The following CTPS2 variants were observed in gnomAD, a reference collection of about 807,000 sequenced individuals.
CTPS2 encodes the protein CTP synthase 2.
In CTPS2, 19 loss-of-function variants were observed where a neutral mutation model predicts 46.8. That is an observed-to-expected ratio of 0.41 (90% CI 0.28 to 0.60). The LOEUF (loss-of-function observed/expected upper bound fraction) is 0.60. CTPS2 is among the 20% of genes least tolerant of loss of function. The pLI, the probability that CTPS2 is intolerant of heterozygous loss-of-function variation, is 0.35. For synonymous variants in CTPS2, 151 were observed against 165.2 expected, an observed-to-expected ratio of 0.91 and a Z score of 0.66; for missense variants, 286 against 447.6, an observed-to-expected ratio of 0.64 and a Z score of 3.26.
intron 14 of CTPS2, among the ~76,000 whole-genome samples, chrX:16,633,682 A>T (rs1477930006): frequency 8.9e-6 from 1 of 112,146 alleles, no homozygotes; most frequent in Non-Finnish European, 1.9e-5. Flanking sequence ...AAGTAAATCA[A>T]CATTCGAAGT....
chrX:16,706,170 T>G (rs191978078), intron 1 of CTPS2, among the ~76,000 whole-genome samples: 9 of 110,226 alleles, frequency 8.2e-5, no homozygotes, highest in Non-Finnish European at 7.6e-5. Flanking sequence ...ACGCCTATAA[T>G]CCCAGCACTT....
chrX:16,678,713 T>G (rs1922482289), intron 9 of CTPS2, among the ~76,000 whole-genome samples: 1 of 110,068 alleles, frequency 9.1e-6, no homozygotes, highest in African/African-American at 3.3e-5. Flanking sequence ...AGAAGTAACT[T>G]GGGGTCAACC....
intron 11 of CTPS2, among the ~76,000 whole-genome samples, chrX:16,668,807 AAGGAAG>A (rs1921459404): frequency 9.2e-6 from 1 of 108,386 alleles, no homozygotes; most frequent in Admixed American, 9.9e-5. Context: ...GGAAGGAAGG[AAGGAAG>A]GAAAGAAGGA....
At chrX:16,665,802 G>C (rs1031821835) in intron 13 of CTPS2, among the ~76,000 whole-genome samples, 2 of 112,294 alleles carry the variant, frequency 1.8e-5, no homozygotes, top group African/African-American at 3.2e-5. Context: ...CCAGGCTGGA[G>C]TGCAATGGCA....
At chrX:16,605,393 C>A (rs900689127) in intron 17 of CTPS2, among the ~76,000 whole-genome samples, 2 of 111,570 alleles carry the variant, frequency 1.8e-5, no homozygotes, top group Non-Finnish European at 3.8e-5. Context: ...CATTACTGAT[C>A]TTGCTGTGCA....
Position 16,630,251 on chromosome X carries a change from A to ATT in CTPS2, c.1393+8894_1393+8895dup, listed in dbSNP as rs148128965. On this transcript the variant is annotated intron_variant, in intron 14 of 18. Coordinates refer to ENST00000359276, the MANE Select transcript of CTPS2 (RefSeq NM_175859.3). Reference sequence around the variant, plus strand: ...AATTCCTTCAAGTTTGTTGTGTTGTATTTTTTTTTTTTTTTTTTTTTGACA... The same window carrying ATT: ...AATTCCTTCAAGTTTGTTGTGTTGTATTTTTTTTTTTTTTTTTTTTTTTGACA... 8.7e-3 allele frequency among the ~76,000 whole-genome samples: 672 copies of ATT among 77,225 alleles called. 13 individuals are homozygous for ATT. Among genetic ancestry groups the ATT allele is most frequent in the African/African-American group, 0.031 (631 of 20,258 alleles). 67.1% of individuals were successfully genotyped at this position (77,225 alleles called of 115,157 possible). A position where few individuals can be genotyped will look rare whatever the true frequency, so the allele number is the denominator to read the frequency against.
Position 16,708,956 on chromosome X carries a change from A to C in CTPS2, c.-40+3379T>G, listed in dbSNP as rs6654004. Among the ~76,000 whole-genome samples, 300 of 110,142 alleles carry C rather than the reference A, an allele frequency of 2.7e-3. 1 individual carries two copies. Among genetic ancestry groups the C allele is most frequent in the African/African-American group, 9.5e-3 (289 of 30,293 alleles). On this transcript the variant is annotated intron_variant, in intron 1 of 18. Coordinates refer to ENST00000359276, the MANE Select transcript of CTPS2 (RefSeq NM_175859.3). Reference sequence around the variant, plus strand: ...AAACCCTGTCTCTACTAAAAATACAAAAATTAGCCAGGCGTGGTGGCAGGC... The same window carrying C: ...AAACCCTGTCTCTACTAAAAATACACAAATTAGCCAGGCGTGGTGGCAGGC...
At chrX:16,621,190 G>A (rs960274852) in intron 14 of CTPS2, among the ~76,000 whole-genome samples, 1 of 107,672 alleles carries the variant, frequency 9.3e-6, no homozygotes, top group African/African-American at 3.4e-5. Flanking sequence ...GATGGGCACG[G>A]CGATCAACGA....
intron 14 of CTPS2, chrX:16,627,144 T>A (rs1427488161): frequency 8.9e-6 from 1 of 112,965 alleles, no homozygotes; most frequent in Non-Finnish European, 1.9e-5. Flanking sequence ...TTGGTAGAAT[T>A]GCCTTGCTTT....
chrX:16,642,401 A>C (rs554327981), intron 13 of CTPS2, among the ~76,000 whole-genome samples: 1 of 111,852 alleles, frequency 8.9e-6, no homozygotes, highest in South Asian at 3.8e-4. Context: ...AAAGGAGAAA[A>C]GCAGGGAGAG....
At chrX:16,710,601 C>A (rs11798722) in intron 1 of CTPS2, among the ~76,000 whole-genome samples, 46 of 111,323 alleles carry the variant, frequency 4.1e-4, no homozygotes, top group Middle Eastern at 4.7e-3. Context: ...AAGGGGACAC[C>A]TAATTCTTCC....
At chrX:16,709,092 AG>A (rs965851406) in intron 1 of CTPS2, among the ~76,000 whole-genome samples, 1 of 110,842 alleles carries the variant, frequency 9.0e-6, no homozygotes, top group African/African-American at 3.3e-5. Flanking sequence ...CTGGGGGACA[AG>A]AGCGAGACTT....
chrX:16,681,541 ATTTTGTTTTGTTTTG>A (rs920511490), intron 9 of CTPS2, among the ~76,000 whole-genome samples: 5 of 110,991 alleles, frequency 4.5e-5, no homozygotes, highest in Non-Finnish European at 9.4e-5. Flanking sequence ...TTTATGCTTT[ATTTTGTTTTGTTTTG>A]TTTTTTGGAG....
At chrX:16,665,518 A>C (rs1921099146) in intron 13 of CTPS2, among the ~76,000 whole-genome samples, 1 of 112,499 alleles carries the variant, frequency 8.9e-6, no homozygotes, top group African/African-American at 3.2e-5. Context: ...AACCAGTCAC[A>C]AAAGGCTACA....
chrX:16,708,987 T>C (rs1925232047), intron 1 of CTPS2, among the ~76,000 whole-genome samples: 1 of 109,629 alleles, frequency 9.1e-6, no homozygotes, highest in Admixed American at 9.8e-5. Flanking sequence ...CAGGCGCCTG[T>C]AATCCCAGCT....
intron 8 of CTPS2, among the ~76,000 whole-genome samples, chrX:16,686,405 AAT>A (rs1923206998): frequency 1.5e-5 from 1 of 66,886 alleles, no homozygotes; most frequent in African/African-American, 1.3e-4. Context: ...TAGTGAGTTG[AAT>A]GGTGGCCCCC....
intron 1 of CTPS2, among the ~76,000 whole-genome samples, chrX:16,709,848 C>A (rs867698483): frequency 6.7e-4 from 16 of 23,747 alleles, no homozygotes; most frequent in Non-Finnish European, 8.1e-4. Context: ...ACTCTGTCTC[C>A]AAAAAAAAAA....
At chrX:16,625,898 T>C (rs952146923) in intron 14 of CTPS2, among the ~76,000 whole-genome samples, 1 of 111,099 alleles carries the variant, frequency 9.0e-6, no homozygotes, top group Non-Finnish European at 1.9e-5. Context: ...TTGGGGTTTA[T>C]ATAGTACAGG....
At chrX:16,691,354 G>A (rs1030687446) in intron 7 of CTPS2, among the ~76,000 whole-genome samples, 186 bp downstream of exon 7, 1 of 111,739 alleles carries the variant, frequency 8.9e-6, no homozygotes, top group Non-Finnish European at 1.9e-5. Flanking sequence ...TGTGACATAA[G>A]TTGAGTGATC....
Sources: gnomAD v4.1 joint callset for allele counts (sites outside exome capture counted in the v4.1 genomes callset) on GRCh38, gnomAD v4.1.1 for gene constraint, MANE v1.5 for transcripts, NCBI Gene and HGNC (gene_info 2026-07-23, HGNC 2026-07-21) for gene names.